The following COL13A1 variants were observed in gnomAD, a reference collection of about 807,000 sequenced individuals.
The protein encoded by COL13A1 is collagen alpha-1(XIII) chain.
Under a neutral mutation model 130.9 loss-of-function variants are expected in COL13A1, and 89 were observed. That is an observed-to-expected ratio of 0.68 (90% CI 0.57 to 0.81). The LOEUF (loss-of-function observed/expected upper bound fraction) is 0.81, where lower values mean the gene tolerates loss of function less well. Among genes scored for constraint, COL13A1 ranks in the 30% least tolerant of loss-of-function variants. The pLI is 0.00. For synonymous variants in COL13A1, 402 were observed against 341.6 expected (o/e 1.18, Z -1.95); for missense variants, 879 against 934.6 (o/e 0.94, Z 0.78).
At chr10:69,953,033 A>G (rs1258311717) in intron 39 of COL13A1, 65 bp downstream of exon 39, 15 of 1,228,486 alleles carry the variant, frequency 1.2e-5, no homozygotes, top group Non-Finnish European at 1.7e-5. Context: ...AGTTGGAAAC[A>G]AAGAAGGCAA....
At chr10:69,823,240 C>T (rs7076867) in intron 2 of COL13A1, among the ~76,000 whole-genome samples, 13,882 of 152,228 alleles carry the variant, frequency 0.091, 717 homozygotes, top group Admixed American at 0.17. Context: ...TAAGTTACAG[C>T]TTATGAGAAA....
intron 1 of COL13A1, among the ~76,000 whole-genome samples, chr10:69,812,045 C>G (rs1443837025): frequency 6.6e-6 from 1 of 152,202 alleles, no homozygotes; most frequent in Non-Finnish European, 1.5e-5. Flanking sequence ...TCCTGACTCT[C>G]TTATCCACAC....
Position 69,958,622 on chromosome 10 carries a change from C to T in COL13A1, c.2185-77C>T. 3 of 1,608,778 alleles carry T rather than the reference C, an allele frequency of 1.9e-6. No individual in the cohort carries two copies. The East Asian group carries it at 6.7e-5, about 36-fold the overall frequency. ...CCATCCAACCCAGGACAAGATTTAC[C>T]TCCCTTCCTACAAAGGAAATAAACC... On this transcript the variant is annotated intron_variant, in intron 40 of 40. Transcript: ENST00000645393.
rs1165121445 is a variant in COL13A1 at position 69,952,938 on chromosome 10, A to G, written c.2115A>G (p.Gly705=). Residue 705 remains glycine, a synonymous_variant, in exon 39 of 41, where the codon GGA becomes GGG. Transcript: ENST00000645393. The stretch of plus-strand genomic sequence containing the variant: ...CTAAAGGGGATAAGGGAGACCAAGG[A>G]GCGCCTGGATTAGATGCCCCCTGCC... The part of the protein sequence containing the change: ...RGPKGDKGDQ[G]APGLDAPCPL... 1 of 1,557,586 alleles carries G rather than the reference A, an allele frequency of 6.4e-7. No individual in the cohort carries two copies. Among genetic ancestry groups the G allele is most frequent in the East Asian group, 2.4e-5 (1 of 40,852 alleles).
chr10:69,935,425 C>T, intron 32 of COL13A1, 34 bp downstream of exon 32: 1 of 1,482,706 alleles, frequency 6.7e-7, no homozygotes. Context: ...GGCCAGTCCA[C>T]TAATGTCCCC....
At chr10:69,899,527 C>T (rs945316427) in intron 14 of COL13A1, among the ~76,000 whole-genome samples, 22 of 152,210 alleles carry the variant, frequency 1.4e-4, no homozygotes, top group Non-Finnish European at 2.9e-4. Context: ...GACCTACCTC[C>T]TCTCTACTTA....
At position 69,947,068 on chromosome 10, in the gene COL13A1, G is replaced by A. The variant is rs530158853; in HGVS notation, c.2023-239G>A. Among the ~76,000 whole-genome samples, 5 of 152,326 alleles carry A rather than the reference G, an allele frequency of 3.3e-5. 1 individual carries two copies. Among genetic ancestry groups the A allele is most frequent in the African/African-American group, 9.6e-5 (4 of 41,576 alleles). ...CTCCCAAAGTGCTGGGATTACAGGC[G>A]TGAGCCACCGTGCCCAGCCTGAAGT... On this transcript the variant is annotated intron_variant, in intron 37 of 40. Coordinates refer to ENST00000645393, the MANE Select transcript of COL13A1 (RefSeq NM_001368882.1).
intron 1 of COL13A1, among the ~76,000 whole-genome samples, chr10:69,810,910 C>T (rs1842873120): frequency 6.6e-6 from 1 of 152,242 alleles, no homozygotes; most frequent in Non-Finnish European, 1.5e-5. Flanking sequence ...AGGGGGTGCT[C>T]TCCTGGTCCT....
At position 69,939,285 on chromosome 10, in the gene COL13A1, C is replaced by T. The variant is rs117528950; in HGVS notation, c.1878+1570C>T. On this transcript the variant is annotated intron_variant, in intron 34 of 40. Coordinates refer to ENST00000645393, the MANE Select transcript of COL13A1 (RefSeq NM_001368882.1). ...AGCTGACTGTTGCCTTGGAGGAAGG[C>T]GGAGCTGGTATTTCTGGATCTTCCT... 3.0e-3 allele frequency among the ~76,000 whole-genome samples: 455 copies of T among 152,266 alleles called. 4 individuals carry two copies. In the Middle Eastern group the frequency reaches 0.051, roughly 17 times the overall value.
At chr10:69,953,161 T>G (rs1254677324) in intron 39 of COL13A1, among the ~76,000 whole-genome samples, 193 bp downstream of exon 39, 1 of 152,240 alleles carries the variant, frequency 6.6e-6, no homozygotes, top group African/African-American at 2.4e-5. Flanking sequence ...TGCAAGTAAT[T>G]CTGGCTAAAT....
chr10:69,949,473 C>A (rs1433786219), intron 38 of COL13A1, among the ~76,000 whole-genome samples: 1 of 152,220 alleles, frequency 6.6e-6, no homozygotes, highest in African/African-American at 2.4e-5. Flanking sequence ...TGAGCCACCG[C>A]ACCTGGCCCA....
intron 7 of COL13A1, among the ~76,000 whole-genome samples, chr10:69,881,337 C>T (rs908298821): frequency 6.6e-6 from 1 of 152,070 alleles, no homozygotes; most frequent in Non-Finnish European, 1.5e-5. Context: ...AGGATTAGAA[C>T]CGAGGAGCCC....
chr10:69,945,904 T>C (rs981935858), intron 37 of COL13A1, among the ~76,000 whole-genome samples, 180 bp downstream of exon 37: 34 of 151,916 alleles, frequency 2.2e-4, no homozygotes, highest in East Asian at 5.9e-4. Context: ...AACCCCGTCT[T>C]TACTAAAAAT....
At chr10:69,888,137 G>A (rs750036424) in intron 8 of COL13A1, among the ~76,000 whole-genome samples, 167 bp from the exon 9 acceptor site, 22 of 152,222 alleles carry the variant, frequency 1.4e-4, no homozygotes, top group Non-Finnish European at 2.9e-4. Flanking sequence ...ATGGGAAGTT[G>A]AGGCCTAGGC....
chr10:69,843,470 A>C (rs1852160765), intron 2 of COL13A1, among the ~76,000 whole-genome samples: 1 of 152,208 alleles, frequency 6.6e-6, no homozygotes, highest in South Asian at 2.1e-4. Context: ...TATTTAAATT[A>C]ATTCGAATTA....
At chr10:69,935,230 T>C (rs2066673755) in intron 31 of COL13A1, 120 bp from the exon 32 acceptor site, 1 of 819,986 alleles carries the variant, frequency 1.2e-6, no homozygotes, top group East Asian at 2.7e-5. Flanking sequence ...GGGCAGTCAC[T>C]GGCTGACCTC....
intron 16 of COL13A1, 139 bp from the exon 17 acceptor site, chr10:69,905,648 A>C: frequency 1.2e-6 from 1 of 861,932 alleles, no homozygotes; most frequent in Non-Finnish European, 1.9e-6. Flanking sequence ...GCTCCTGGGA[A>C]GGCTGGAGAT....
At chr10:69,932,921 G>GA (rs1345917091) in intron 31 of COL13A1, among the ~76,000 whole-genome samples, 1 of 152,070 alleles carries the variant, frequency 6.6e-6, no homozygotes, top group East Asian at 1.9e-4. Flanking sequence ...CGGATCACCT[G>GA]AGGTCGGGAG....
chr10:69,815,200 A>T (rs76065570), intron 1 of COL13A1, among the ~76,000 whole-genome samples: 5,978 of 152,076 alleles, frequency 0.039, 423 homozygotes, highest in African/African-American at 0.14. Flanking sequence ...CACAGCTTGG[A>T]CCCACCCCAT....
Sources: gnomAD v4.1 joint callset for allele counts (sites outside exome capture counted in the v4.1 genomes callset) on GRCh38, gnomAD v4.1.1 for gene constraint, MANE v1.5 for transcripts, NCBI Gene and HGNC (gene_info 2026-07-23, HGNC 2026-07-21) for gene names.